MCM2: variants seen among roughly 807,000 people sequenced by gnomAD.
MCM2 encodes minichromosome maintenance complex component 2.
In MCM2, 49 loss-of-function variants were observed where a neutral mutation model predicts 86.4. The observed-to-expected ratio is 0.57, with a 90% confidence interval of 0.45 to 0.72. The LOEUF is 0.72. MCM2 is among the 30% of genes least tolerant of loss of function. The probability of loss-of-function intolerance (pLI) is 0.00; values close to 1 mark genes in which losing one functional copy is unlikely to be tolerated. For synonymous variants in MCM2, 475 were observed against 484.6 expected (o/e 0.98, Z 0.26); for missense variants, 1,038 against 1,259.9 (o/e 0.82, Z 2.67).
At chr3:127,607,508 T>G (rs2074360550) in intron 6 of MCM2, among the ~76,000 whole-genome samples, 1 of 152,212 alleles carries the variant, frequency 6.6e-6, no homozygotes, top group African/African-American at 2.4e-5. Flanking sequence ...AGGTTCCACC[T>G]GTGGCCACCT....
chr3:127,620,656 C>T (rs1309189039), intron 13 of MCM2, 42 bp from the exon 14 acceptor site: 4 of 1,534,312 alleles, frequency 2.6e-6, no homozygotes, highest in African/African-American at 1.4e-5. Context: ...CCTTGCTTCT[C>T]TTTCCTGCCC....
At position 127,616,900 on chromosome 3, in the gene MCM2, G is replaced by T. The variant is rs773545652; in HGVS notation, c.1555G>T (p.Val519Leu). 1.9e-6 allele frequency: 3 copies of T among 1,614,112 alleles called. No homozygotes were observed. The highest frequency in any genetic ancestry group is 3.3e-5 in the Admixed American group (2 of 60,028). Residue 519 changes from valine to leucine, a missense_variant, in exon 10 of 16, where the codon GTG becomes TTG. By Grantham distance (32) the Val-to-Leu change is conservative (BLOSUM62 1). This residue lies in a region of MCM2 where 399 missense variants were observed against 507.2 expected (regional missense o/e 0.79). Transcript: ENST00000265056. ...GKHKVRGDINVLLCGDPGTAK... is the reference protein window; with the variant it reads ...GKHKVRGDINLLLCGDPGTAK... The stretch of plus-strand genomic sequence containing the variant: ...GCACAAGGTACGTGGTGATATCAAC[G>T]TGCTCTTGTGCGGAGACCCTGGCAC...
chr3:127,618,945 C>T lies in MCM2; in HGVS notation c.2014-82C>T. On this transcript the variant is annotated intron_variant, in intron 12 of 15. Coordinates refer to ENST00000265056, the MANE Select transcript of MCM2 (RefSeq NM_004526.4). This position sits in a 1 kb window ranked among gnomAD's most constrained non-coding sequence, Gnocchi z 4.0. ...GAAAGAGTGTCACCCTTGTAGGGCACACTCAGCCCTTCTCCAGCCACTGAC... is the reference window on the plus strand; with the variant it reads ...GAAAGAGTGTCACCCTTGTAGGGCATACTCAGCCCTTCTCCAGCCACTGAC... 7.1e-7 allele frequency: 1 copy of T among 1,407,632 alleles called. No individual in the cohort carries two copies. The highest frequency in any genetic ancestry group is 2.5e-5 in the East Asian group (1 of 40,080). The allele number at this position is 1,407,632 out of a possible 1,614,324, so 87.2% of individuals were successfully genotyped here. A position where few individuals can be genotyped will look rare whatever the true frequency, so the allele number is the denominator to read the frequency against.
Position 127,608,528 on chromosome 3 carries a change from G to C in MCM2, c.1236+12G>C. 1 of 1,613,950 alleles carries C rather than the reference G, an allele frequency of 6.2e-7. No homozygotes were observed. Among genetic ancestry groups the C allele is most frequent in the Non-Finnish European group, 8.5e-7 (1 of 1,179,908 alleles). Reference sequence around the variant, plus strand: ...CAGGAGACGAGATAGTAAGTGGCCGGGGCAGGCTGGGAGGGAGCCAAGTTG... The same window carrying C: ...CAGGAGACGAGATAGTAAGTGGCCGCGGCAGGCTGGGAGGGAGCCAAGTTG... On this transcript the variant is annotated intron_variant, in intron 7 of 15. Transcript: ENST00000265056.
At chr3:127,604,499 C>A in intron 2 of MCM2, 109 bp from the exon 3 acceptor site, 1 of 1,144,788 alleles carries the variant, frequency 8.7e-7, no homozygotes, top group Non-Finnish European at 1.3e-6. Context: ...TGAGCCTACC[C>A]ACAATGGGGC....
intron 8 of MCM2, 85 bp from the exon 9 acceptor site, chr3:127,615,777 C>T: frequency 4.2e-6 from 4 of 943,314 alleles, no homozygotes; most frequent in Non-Finnish European, 6.9e-6. Flanking sequence ...CTGGGGATGT[C>T]GTGGTTCCCT....
rs149592386 is a variant in MCM2 at position 127,616,898 on chromosome 3, A to G, written c.1553A>G (p.Asn518Ser). 102 of 1,614,154 alleles carry G rather than the reference A, an allele frequency of 6.3e-5. No homozygotes were observed. Among genetic ancestry groups the G allele is most frequent in the South Asian group, 3.5e-4 (32 of 91,084 alleles). Reference protein sequence around the residue: ...GGKHKVRGDINVLLCGDPGTA... With the variant: ...GGKHKVRGDISVLLCGDPGTA... Reference sequence around the variant, plus strand: ...AAGCACAAGGTACGTGGTGATATCAACGTGCTCTTGTGCGGAGACCCTGGC... The same window carrying G: ...AAGCACAAGGTACGTGGTGATATCAGCGTGCTCTTGTGCGGAGACCCTGGC... The change falls in exon 10 of 16, where the codon AAC becomes AGC. Residue 518 changes from asparagine to serine, a missense_variant. Asn to Ser is a conservative substitution (Grantham distance 46). Coordinates refer to ENST00000265056, the MANE Select transcript of MCM2 (RefSeq NM_004526.4).
chr3:127,610,922 C>T, intron 8 of MCM2: 1 of 456,728 alleles, frequency 2.2e-6, no homozygotes, highest in Non-Finnish European at 4.4e-6. Context: ...CCAGGAGCTT[C>T]AGTTCAGCCA....
chr3:127,603,978 G>C (rs748530910), intron 2 of MCM2, among the ~76,000 whole-genome samples: 5 of 152,058 alleles, frequency 3.3e-5, no homozygotes, highest in Non-Finnish European at 5.9e-5. Context: ...TTTTTATACA[G>C]ATGGGGTCTC....
At chr3:127,608,613 G>C (rs909783958) in intron 7 of MCM2, 97 bp downstream of exon 7, 110 of 1,498,984 alleles carry the variant, frequency 7.3e-5, no homozygotes, top group Non-Finnish European at 9.8e-5. Context: ...TGGTCGCAGG[G>C]GCACTCGGGC....
At chr3:127,619,650 G>C (rs887810232) in intron 13 of MCM2, among the ~76,000 whole-genome samples, 1 of 152,146 alleles carries the variant, frequency 6.6e-6, no homozygotes, top group Non-Finnish European at 1.5e-5. Flanking sequence ...CTGCACTCCA[G>C]CCTGGGTGAC....
At chr3:127,615,396 A>G (rs1485028128) in intron 8 of MCM2, among the ~76,000 whole-genome samples, 2 of 152,214 alleles carry the variant, frequency 1.3e-5, no homozygotes, top group Non-Finnish European at 2.9e-5. Context: ...TTCCTGGTGG[A>G]CACATCTCCC....
In MCM2 at chr3:127,606,512, G is replaced by A; in HGVS notation, c.894-98G>A. On this transcript the variant is annotated intron_variant, in intron 5 of 15. Transcript: ENST00000265056. This position sits in a 1 kb window ranked among gnomAD's most constrained non-coding sequence, Gnocchi z 4.2. ...TGGGAGGGATCTTCCCGGGCTGGGG[G>A]CTGGGCCCAATTTCCAGGACAGTGT... is the stretch of plus-strand genomic sequence containing the variant. 2.3e-6 allele frequency: 3 copies of A among 1,300,076 alleles called. No homozygotes were observed. Among genetic ancestry groups the A allele is most frequent in the South Asian group, 2.5e-5 (2 of 78,684 alleles). The allele number at this position is 1,300,076 out of a possible 1,614,324, so 80.5% of individuals were successfully genotyped here.
intron 4 of MCM2, among the ~76,000 whole-genome samples, chr3:127,605,434 C>CTTT (rs1227332481): frequency 1.5e-3 from 127 of 86,080 alleles, no homozygotes; most frequent in East Asian, 5.3e-3. Flanking sequence ...GGAATTGACT[C>CTTT]TTTTTTTTTT....
chr3:127,608,230 G>A, intron 6 of MCM2, 152 bp from the exon 7 acceptor site: 1 of 935,172 alleles, frequency 1.1e-6, no homozygotes, highest in East Asian at 2.4e-5. Flanking sequence ...CAACTGATGT[G>A]CTGAGTCGCC....
rs138925272 is a variant in MCM2, at chr3:127,613,270, G to C, written c.1429-2592G>C. Among the ~76,000 whole-genome samples, 4 of 152,312 alleles carry C rather than the reference G, an allele frequency of 2.6e-5. No individual in the cohort carries two copies. In the East Asian group the frequency reaches 7.7e-4, roughly 29 times the overall value. On this transcript the variant is annotated intron_variant, in intron 8 of 15. Transcript: ENST00000265056. ...AAAAATTATACGGGGAAATGAGCTG[G>C]GTTAAGAGGAGTCAAGGATTGGCAG... is the stretch of plus-strand genomic sequence containing the variant.
In MCM2 at chr3:127,599,401, A is replaced by G; in HGVS notation, c.90A>G (p.Arg30=). 3 of 1,613,928 alleles carry G rather than the reference A, an allele frequency of 1.9e-6. No individual in the cohort carries two copies. The highest frequency in any genetic ancestry group is 1.7e-6 in the Non-Finnish European group (2 of 1,179,964). The change falls in exon 2 of 16, where the codon CGA becomes CGG. Residue 30 remains arginine (R), a synonymous_variant. Coordinates refer to ENST00000265056, the MANE Select transcript of MCM2 (RefSeq NM_004526.4). ...ATCCTCTCACCTCCAGCCCTGGCCG[A>G]AGCTCCCGGCGTACTGATGCCCTCA... The part of the protein sequence containing the change: ...GNDPLTSSPG[R]SSRRTDALTS...
intron 8 of MCM2, among the ~76,000 whole-genome samples, chr3:127,610,513 C>T (rs1228224310): frequency 6.6e-6 from 1 of 152,176 alleles, no homozygotes; most frequent in East Asian, 1.9e-4. Context: ...ATGGTTGCCC[C>T]TTCCTTTTCC....
At position 127,608,975 on chromosome 3, in the gene MCM2, T is replaced by C; in HGVS notation, c.1380T>C (p.Asp460=). 1.9e-6 allele frequency: 3 copies of C among 1,614,174 alleles called. No individual in the cohort carries two copies. Among genetic ancestry groups the C allele is most frequent in the Non-Finnish European group, 1.7e-6 (2 of 1,180,032 alleles). Residue 460 remains aspartate (D), a synonymous_variant, in exon 8 of 16, where the codon GAT becomes GAC. Coordinates refer to ENST00000265056, the MANE Select transcript of MCM2 (RefSeq NM_004526.4). The part of the protein sequence containing the change: ...KVAVGELTDE[D]VKMITSLSKD... ...CTGTAGGGGAACTGACCGATGAAGA[T>C]GTGAAGATGATCACTAGCCTCTCCA...
Sources: gnomAD v4.1 joint callset for allele counts (sites outside exome capture counted in the v4.1 genomes callset) on GRCh38, gnomAD v4.1.1 for gene constraint, gnomAD v4.1.1 regional missense constraint, Gnocchi (gnomAD v3.1) non-coding constraint, MANE v1.5 for transcripts, NCBI Gene and HGNC (gene_info 2026-07-23, HGNC 2026-07-21) for gene names.